GSE1: variants seen among roughly 807,000 people sequenced by gnomAD.
GSE1 encodes the protein genetic suppressor element 1.
Under a neutral mutation model 112.6 loss-of-function variants are expected in GSE1, and 32 were observed. The ratio of observed to expected loss-of-function variants is 0.28; its 90% CI spans 0.21 to 0.38. GSE1 has a LOEUF of 0.38. Among genes scored for constraint, GSE1 ranks in the 10% least tolerant of loss-of-function variants. GSE1 has a pLI of 1.00. For missense variants in GSE1, 2,348 were observed against 1,699.2 expected, an observed-to-expected ratio of 1.38 and a Z score of -6.71; for synonymous variants, 1,115 against 735.6, an observed-to-expected ratio of 1.52 and a Z score of -8.35.
chr16:85,416,494 G>C (rs11149742), intron 2 of GSE1, among the ~76,000 whole-genome samples: 41,687 of 152,134 alleles, frequency 0.27, 6,814 homozygotes, highest in Admixed American at 0.36. Context: ...CTCCTTCCCG[G>C]AAGGAGGTGC....
In GSE1 at chr16:85,348,475, G is replaced by C. The variant is rs562279818; in HGVS notation, c.2284-8988G>C. ...CCTAGATTACCTTCACTCCCGCCCAGGTCCCAGCTCTTTCTTGGTCACCCG... is the reference window on the plus strand; with the variant it reads ...CCTAGATTACCTTCACTCCCGCCCACGTCCCAGCTCTTTCTTGGTCACCCG... On this transcript the variant is annotated intron_variant, in intron 1 of 2. Coordinates refer to the GSE1 transcript ENST00000637419. Among the ~76,000 whole-genome samples, 68 of 152,304 alleles carry C rather than the reference G, an allele frequency of 4.5e-4. 1 individual carries two copies. The highest frequency in any genetic ancestry group is 1.6e-3 in the African/African-American group (66 of 41,570).
At chr16:85,516,426 C>G (rs1235981413) in intron 2 of GSE1, among the ~76,000 whole-genome samples, 1 of 143,108 alleles carries the variant, frequency 7.0e-6, no homozygotes, top group African/African-American at 2.7e-5. Context: ...TGGAGATCAG[C>G]CTGGGCTGCA....
chr16:85,575,120 T>G (rs917126691), intron 1 of GSE1, among the ~76,000 whole-genome samples: 2 of 151,362 alleles, frequency 1.3e-5, no homozygotes, highest in African/African-American at 4.9e-5. Flanking sequence ...CAAAGTTGGA[T>G]ATTTATCACA....
At chr16:85,653,605 C>T (rs888620397) in intron 3 of GSE1, among the ~76,000 whole-genome samples, 5 of 151,954 alleles carry the variant, frequency 3.3e-5, no homozygotes, top group African/African-American at 9.7e-5. Context: ...GAGCTGTTGC[C>T]TTCCCTGCCC....
intron 1 of GSE1, among the ~76,000 whole-genome samples, chr16:85,234,212 A>G (rs955117937): frequency 7.2e-5 from 11 of 152,086 alleles, no homozygotes; most frequent in Non-Finnish European, 1.6e-4. Flanking sequence ...TTAGATACCC[A>G]TCCCCTGGCT....
chr16:85,573,964 C>T (rs891602801), intron 1 of GSE1, among the ~76,000 whole-genome samples: 1 of 152,212 alleles, frequency 6.6e-6, no homozygotes, highest in Non-Finnish European at 1.5e-5. Context: ...CTCGGGCAGA[C>T]GTGGCGCCGT....
Position 85,307,240 on chromosome 16 carries a change from C to T in GSE1, c.2284-50223C>T, listed in dbSNP as rs151336802. ...GCATGGTGGAGAGGCAGGTACACTC[C>T]GTGTCAGGCCTGGAGGCTCCTTGTC... On this transcript the variant is annotated intron_variant, in intron 1 of 2. Transcript: ENST00000637419. Among the ~76,000 whole-genome samples the T allele has an allele frequency of 6.7e-3, 1,026 of 152,278 alleles. 9 individuals are homozygous for T. The highest frequency in any genetic ancestry group is 0.011 in the Non-Finnish European group (774 of 68,012).
At chr16:85,557,003 G>A (rs2045262029) in intron 1 of GSE1, among the ~76,000 whole-genome samples, 1 of 152,134 alleles carries the variant, frequency 6.6e-6, no homozygotes, top group African/African-American at 2.4e-5. Context: ...CTGTTTCGGG[G>A]CAAGTCGCGC....
intron 2 of GSE1, among the ~76,000 whole-genome samples, chr16:85,534,478 C>T (rs923782501): frequency 2.0e-5 from 3 of 152,302 alleles, no homozygotes; most frequent in African/African-American, 7.2e-5. Context: ...TGGAATCCTG[C>T]AGTACCTTTT....
intron 2 of GSE1, among the ~76,000 whole-genome samples, chr16:85,538,910 C>T (rs900513164): frequency 2.0e-5 from 3 of 152,188 alleles, no homozygotes; most frequent in Non-Finnish European, 4.4e-5. Flanking sequence ...CCACCCACCT[C>T]GGTATCCCTT....
chr16:85,483,277 C>T (rs772469263), intron 2 of GSE1, among the ~76,000 whole-genome samples: 3 of 152,238 alleles, frequency 2.0e-5, no homozygotes, highest in Non-Finnish European at 2.9e-5. Flanking sequence ...CCTCAGCTGT[C>T]GTTCCCGCTG....
In GSE1 at chr16:85,648,661, TG is replaced by T; in HGVS notation, c.341del (p.Gly114AlafsTer11). On this transcript the variant is annotated frameshift_variant, in exon 3 of 16. Coordinates refer to ENST00000253458, the MANE Select transcript of GSE1 (RefSeq NM_014615.5). LOFTEE classifies it high-confidence loss of function. Reference protein sequence around the residue: ...VPMGPIIVPPGGHSVPSTPPV... With the variant: ...VPMGPIIVPPXGHSVPSTPPV... ...CCATGGGCCCTATCATCGTCCCCCC[TG>T]GGGGCCACAGCGTGCCCAGCACCCC... The T allele has an allele frequency of 6.3e-7, 1 of 1,598,998 alleles. No individual in the cohort carries two copies. Among genetic ancestry groups the T allele is most frequent in the Non-Finnish European group, 8.6e-7 (1 of 1,169,332 alleles).
At chr16:85,252,634 G>A (rs1008497114) in intron 1 of GSE1, among the ~76,000 whole-genome samples, 1 of 152,210 alleles carries the variant, frequency 6.6e-6, no homozygotes, top group Non-Finnish European at 1.5e-5. Flanking sequence ...AGGCTGGAGA[G>A]GCCCCAGCTG....
intron 1 of GSE1, among the ~76,000 whole-genome samples, chr16:85,246,335 C>A (rs1597178761): frequency 1.2e-4 from 11 of 93,604 alleles, no homozygotes; most frequent in Non-Finnish European, 2.2e-4. Context: ...ACACACACCC[C>A]CCACACGCTG....
intron 2 of GSE1, among the ~76,000 whole-genome samples, chr16:85,534,007 C>T (rs896332373): frequency 1.3e-5 from 2 of 152,188 alleles, no homozygotes; most frequent in African/African-American, 4.8e-5. Flanking sequence ...TAGAATAATG[C>T]TGTCACTCCA....
intron 1 of GSE1, among the ~76,000 whole-genome samples, chr16:85,243,815 T>C (rs954392532): frequency 6.6e-6 from 1 of 152,192 alleles, no homozygotes; most frequent in Non-Finnish European, 1.5e-5. Flanking sequence ...TAACTGTTTC[T>C]ACTGTTTGGC....
chr16:85,346,867 GTAGA>G (rs2046753558), intron 1 of GSE1, among the ~76,000 whole-genome samples: 1 of 151,894 alleles, frequency 6.6e-6, no homozygotes, highest in Non-Finnish European at 1.5e-5. Context: ...TGATGGACAG[GTAGA>G]TGGATGGTGG....
At chr16:85,381,203 C>T (rs1426023944) in intron 2 of GSE1, among the ~76,000 whole-genome samples, 2 of 152,236 alleles carry the variant, frequency 1.3e-5, no homozygotes, top group African/African-American at 2.4e-5. Context: ...TGGAATCGTA[C>T]CGTTTGTAGC....
At chr16:85,629,631 G>T (rs1283767717) in intron 1 of GSE1, among the ~76,000 whole-genome samples, 3 of 152,202 alleles carry the variant, frequency 2.0e-5, no homozygotes, top group Admixed American at 6.5e-5. Context: ...TGGGAAATAG[G>T]CCCAGTCCCA....
Sources: allele counts gnomAD v4.1 joint callset (sites outside exome capture counted in the v4.1 genomes callset), GRCh38; gene constraint gnomAD v4.1.1; transcripts MANE v1.5; gene names NCBI Gene and HGNC (gene_info 2026-07-23, HGNC 2026-07-21).